Variants in ABHD12B observed in about 807,000 individuals in gnomAD.
ABHD12B encodes abhydrolase domain containing 12B.
In ABHD12B, 42 loss-of-function variants were observed where a neutral mutation model predicts 50.4. The observed-to-expected ratio is 0.83, with a 90% CI of 0.65 to 1.08. The LOEUF (loss-of-function observed/expected upper bound fraction) is 1.08. Among genes scored for constraint, ABHD12B ranks in the 50% least tolerant of loss-of-function variants. The pLI is 0.00. For missense variants in ABHD12B, 479 were observed against 447.7 expected (o/e 1.07, Z -0.63); for synonymous variants, 167 against 160.3 (o/e 1.04, Z -0.32).
chr14:50,884,702 CT>C (rs35439744), intron 5 of ABHD12B, among the ~76,000 whole-genome samples: 2 of 126,594 alleles, frequency 1.6e-5, no homozygotes, highest in African/African-American at 5.9e-5. Context: ...TGTATTTCTT[CT>C]TTTTTTTTTT....
Position 50,904,680 on chromosome 14 carries a change from GT to G in ABHD12B, c.*316del, listed in dbSNP as rs2050307945. The G allele has an allele frequency of 1.4e-5, 6 of 437,668 alleles. No homozygotes were observed. The highest frequency in any genetic ancestry group is 2.5e-5 in the Non-Finnish European group (6 of 239,856). 27.1% of individuals were successfully genotyped at this position (437,668 alleles called of 1,614,324 possible). ...TCTGTGGATATTTGTGAATAAGGTA[GT>G]TGCTATGGTCCGAATATCTGGGCCT... On this transcript the variant is annotated 3_prime_UTR_variant, in exon 13 of 13. Transcript: ENST00000337334.
At chr14:50,895,124 GTTTGGC>G (rs2050179379) in intron 9 of ABHD12B, among the ~76,000 whole-genome samples, 1 of 150,064 alleles carries the variant, frequency 6.7e-6, no homozygotes, top group East Asian at 1.9e-4. Flanking sequence ...TTCATGACGT[GTTTGGC>G]AGCAACCCTG....
chr14:50,880,318 T>C (rs995757024), intron 3 of ABHD12B, 134 bp from the exon 4 acceptor site: 2 of 965,280 alleles, frequency 2.1e-6, no homozygotes, highest in African/African-American at 3.4e-5. Flanking sequence ...TAGATTTTTA[T>C]TTTTGCCATG....
intron 8 of ABHD12B, 84 bp downstream of exon 8, chr14:50,886,768 G>T: frequency 1.5e-6 from 2 of 1,306,098 alleles, no homozygotes; most frequent in South Asian, 2.6e-5. Flanking sequence ...TGTACACTTT[G>T]AACATATAGA....
rs896344711 is a variant in ABHD12B at position 50,885,749 on chromosome 14, C to T, written c.533-17C>T. 6 of 1,614,134 alleles carry T rather than the reference C, an allele frequency of 3.7e-6. No homozygotes were observed. The highest frequency in any genetic ancestry group is 3.4e-6 in the Non-Finnish European group (4 of 1,180,028). Reference sequence around the variant, plus strand: ...TTTGAAGGCAGTGATACTGTGTTTGCCTTTTCTTGCTGCCAGGATTTGGGG... The same window carrying T: ...TTTGAAGGCAGTGATACTGTGTTTGTCTTTTCTTGCTGCCAGGATTTGGGG... On this transcript the variant is annotated splice_polypyrimidine_tract_variant and intron_variant, in intron 6 of 12. Coordinates refer to ENST00000337334, the MANE Select transcript of ABHD12B (RefSeq NM_001206673.2).
chr14:50,892,874 G>A (rs1487808888), intron 9 of ABHD12B: 1 of 152,130 alleles, frequency 6.6e-6, no homozygotes, highest in Non-Finnish European at 1.5e-5. Flanking sequence ...ATATTATTGT[G>A]ATTTCCTCCT....
At chr14:50,881,386 C>T (rs2049941120) in intron 4 of ABHD12B, among the ~76,000 whole-genome samples, 1 of 151,722 alleles carries the variant, frequency 6.6e-6, no homozygotes, top group Non-Finnish European at 1.5e-5. Context: ...TTGATGTGTC[C>T]ATTTTAGAGC....
In ABHD12B at chr14:50,877,949, C is replaced by T; in HGVS notation, c.105-3C>T. Reference sequence around the variant, plus strand: ...ACCTTGTGTGTTTCCCAATACCTTGCAGATATTTTCCACACTCCTGTTCAA... The same window carrying T: ...ACCTTGTGTGTTTCCCAATACCTTGTAGATATTTTCCACACTCCTGTTCAA... On this transcript the variant is annotated splice_polypyrimidine_tract_variant and splice_region_variant and intron_variant, in intron 1 of 12. Transcript: ENST00000337334. The T allele has an allele frequency of 6.6e-7, 1 of 1,515,338 alleles. No homozygotes were observed. Among genetic ancestry groups the T allele is most frequent in the African/African-American group, 1.4e-5 (1 of 71,928 alleles). The allele number at this position is 1,515,338 out of a possible 1,614,324, so 93.9% of individuals were successfully genotyped here. A position where few individuals can be genotyped will look rare whatever the true frequency, so the allele number is the denominator to read the frequency against.
intron 8 of ABHD12B, among the ~76,000 whole-genome samples, chr14:50,886,986 T>C (rs61984969): frequency 0.97 from 147,361 of 151,964 alleles, 71,613 homozygotes; most frequent in Middle Eastern, 1. Flanking sequence ...GAGGCTGAGG[T>C]GGGTGGATCA....
At chr14:50,902,601 T>C (rs980177538) in intron 10 of ABHD12B, among the ~76,000 whole-genome samples, 1 of 152,160 alleles carries the variant, frequency 6.6e-6, no homozygotes, top group Non-Finnish European at 1.5e-5. Context: ...TGACAGCAAA[T>C]CCAATGACTA....
chr14:50,891,105 T>A (rs1315790332), intron 9 of ABHD12B: 1 of 152,202 alleles, frequency 6.6e-6, no homozygotes, highest in Admixed American at 6.5e-5. Context: ...ATTTTTCAGG[T>A]AGATTTTATT....
chr14:50,889,405 T>C (rs6572703), intron 9 of ABHD12B, among the ~76,000 whole-genome samples: 146,057 of 152,280 alleles, frequency 0.96, 70,325 homozygotes, highest in Middle Eastern at 1. Flanking sequence ...TTGGGGAGGC[T>C]GAGGTGGCTG....
chr14:50,883,575 T>C (rs928799827), intron 5 of ABHD12B, among the ~76,000 whole-genome samples: 5 of 152,276 alleles, frequency 3.3e-5, no homozygotes, highest in Non-Finnish European at 7.3e-5. Flanking sequence ...TCCGTGAGAA[T>C]GTGCGTGCTT....
At chr14:50,882,229 C>T (rs529004408) in intron 5 of ABHD12B, among the ~76,000 whole-genome samples, 1 of 133,816 alleles carries the variant, frequency 7.5e-6, no homozygotes, top group Non-Finnish European at 1.6e-5. Context: ...AACCACCTCA[C>T]CCGGCTGACG....
At chr14:50,873,290 T>C (rs1221249033) in intron 1 of ABHD12B, among the ~76,000 whole-genome samples, 1 of 151,998 alleles carries the variant, frequency 6.6e-6, no homozygotes, top group Admixed American at 6.6e-5. Context: ...TGGCACAATC[T>C]TGGCTCATTC....
At position 50,901,918 on chromosome 14, in the gene ABHD12B, T is replaced by G; in HGVS notation, c.863+7T>G. The G allele has an allele frequency of 6.4e-7, 1 of 1,570,880 alleles. No homozygotes were observed. Among genetic ancestry groups the G allele is most frequent in the Non-Finnish European group, 8.6e-7 (1 of 1,156,188 alleles). On this transcript the variant is annotated splice_region_variant and intron_variant, in intron 10 of 12. Transcript: ENST00000337334. ...TCTTTCCTAATGATGAAAAGTAAGT[T>G]AATGATGAAAAGACATGCATTATTA...
intron 9 of ABHD12B, chr14:50,892,942 A>C (rs1477373767): frequency 6.6e-6 from 1 of 152,088 alleles, no homozygotes. Context: ...TGGGCATTTG[A>C]TTATGATTTT....
chr14:50,886,710 A>C (rs1204335905), intron 8 of ABHD12B, 26 bp downstream of exon 8: 1 of 1,593,860 alleles, frequency 6.3e-7, no homozygotes, highest in Non-Finnish European at 8.6e-7. Flanking sequence ...TAAGTGGTAT[A>C]ATTTCCCATC....
chr14:50,901,374 T>G (rs1016363776), intron 9 of ABHD12B, among the ~76,000 whole-genome samples: 4 of 152,356 alleles, frequency 2.6e-5, no homozygotes, highest in Admixed American at 1.3e-4. Flanking sequence ...ATTGGCATAT[T>G]AAATCATATT....
Sources: gnomAD v4.1 joint callset for allele counts (sites outside exome capture counted in the v4.1 genomes callset) on GRCh38, gnomAD v4.1.1 for gene constraint, MANE v1.5 for transcripts, NCBI Gene and HGNC (gene_info 2026-07-23, HGNC 2026-07-21) for gene names.